Variants in KCTD7 observed in about 807,000 individuals in gnomAD.
The protein encoded by KCTD7 is potassium channel tetramerization domain containing 7, also known as BTB/POZ domain-containing protein KCTD7.
Under a neutral mutation model 27.0 loss-of-function variants are expected in KCTD7, and 15 were observed. The ratio of observed to expected loss-of-function variants is 0.56; its 90% confidence interval spans 0.37 to 0.86. The LOEUF (loss-of-function observed/expected upper bound fraction) is 0.86. KCTD7 is among the 40% of genes least tolerant of loss of function. The probability of loss-of-function intolerance (pLI) is 0.00; values close to 1 mark genes in which losing one functional copy is unlikely to be tolerated. For synonymous variants in KCTD7, 159 were observed against 162.7 expected, an observed-to-expected ratio of 0.98 and a Z score of 0.17; for missense variants, 299 against 398.9, an observed-to-expected ratio of 0.75 and a Z score of 2.13.
chr7:66,630,801 C>T (rs553761144), intron 1 of KCTD7, among the ~76,000 whole-genome samples: 3 of 152,114 alleles, frequency 2.0e-5, no homozygotes, highest in Admixed American at 1.3e-4. Flanking sequence ...CAGGGCCCCA[C>T]CACCAGTTCC....
At position 66,642,743 on chromosome 7, in the gene KCTD7, G is replaced by A; in HGVS notation, c.*3511G>A. 1.0e-6 allele frequency: 1 copy of A among 985,280 alleles called. No individual in the cohort carries two copies. The highest frequency in any genetic ancestry group is 1.2e-6 in the Non-Finnish European group (1 of 829,940). 61.0% of individuals were successfully genotyped at this position (985,280 alleles called of 1,614,324 possible). A position where few individuals can be genotyped will look rare whatever the true frequency, so the allele number is the denominator to read the frequency against. ...TTTTTTCATCCAAAGCTGTAGTGTT[G>A]GGAACTGGGGTGGGAGAGGCACTTT... On this transcript the variant is annotated 3_prime_UTR_variant, in exon 4 of 4. Coordinates refer to ENST00000639828, the MANE Select transcript of KCTD7 (RefSeq NM_153033.5).
rs75054368 is a variant in KCTD7 at position 66,633,154 on chromosome 7, C to T, written c.145-121C>T. On this transcript the variant is annotated intron_variant, in intron 1 of 3. Transcript: ENST00000639828. ...AGAGAAGAAAGTGTTCAGATGGACC[C>T]GTGGGCTTGAGTGACTGAATGAATG... is the stretch of plus-strand genomic sequence containing the variant. The T allele has an allele frequency of 5.9e-4, 560 of 952,566 alleles. 2 individuals carry two copies. In the African/African-American group the frequency reaches 7.4e-3, roughly 13 times the overall value. The allele number at this position is 952,566 out of a possible 1,614,324, so 59.0% of individuals were successfully genotyped here. A position where few individuals can be genotyped will look rare whatever the true frequency, so the allele number is the denominator to read the frequency against.
chr7:66,632,885 AAT>A (rs149316964), intron 1 of KCTD7, among the ~76,000 whole-genome samples: 1 of 149,438 alleles, frequency 6.7e-6, no homozygotes, highest in Non-Finnish European at 1.5e-5. Flanking sequence ...CTACTAAAAA[AAT>A]ATATATATAT....
rs1786670569 is a variant in KCTD7, at chr7:66,639,728, A to T, written c.*496A>T. ...CCCCATAGCCCCTGGCTGAAGAAGAAAGAGCATCTTCTCTCCCACTGCACC... is the reference window on the plus strand; with the variant it reads ...CCCCATAGCCCCTGGCTGAAGAAGATAGAGCATCTTCTCTCCCACTGCACC... On this transcript the variant is annotated 3_prime_UTR_variant, in exon 4 of 4. Coordinates refer to ENST00000639828, the MANE Select transcript of KCTD7 (RefSeq NM_153033.5). The T allele has an allele frequency of 8.0e-7, 1 of 1,248,378 alleles. No homozygotes were observed. The highest frequency in any genetic ancestry group is 1.5e-5 in the African/African-American group (1 of 65,006). 77.3% of individuals were successfully genotyped at this position (1,248,378 alleles called of 1,614,324 possible). A position where few individuals can be genotyped will look rare whatever the true frequency, so the allele number is the denominator to read the frequency against.
intron 1 of KCTD7, among the ~76,000 whole-genome samples, chr7:66,630,873 C>G (rs979759504): frequency 1.3e-5 from 2 of 152,272 alleles, no homozygotes; most frequent in African/African-American, 4.8e-5. Flanking sequence ...TTTGTCCTCT[C>G]TGCTTCAATC....
chr7:66,631,509 CA>C (rs1786441131), intron 1 of KCTD7, among the ~76,000 whole-genome samples: 3 of 148,768 alleles, frequency 2.0e-5, no homozygotes, highest in Non-Finnish European at 3.0e-5. Context: ...GCAGAGGTTG[CA>C]GTGAACCGAG....
intron 1 of KCTD7, among the ~76,000 whole-genome samples, chr7:66,629,909 A>C (rs887109493): frequency 3.9e-5 from 6 of 152,200 alleles, no homozygotes; most frequent in Admixed American, 3.9e-4. Flanking sequence ...TCTGGTGCAC[A>C]GGGGCTTCCA....
At chr7:66,631,337 G>A (rs1483345264) in intron 1 of KCTD7, among the ~76,000 whole-genome samples, 1 of 152,194 alleles carries the variant, frequency 6.6e-6, no homozygotes, top group African/African-American at 2.4e-5. Context: ...GGGAGGCCAA[G>A]GCAGGAAGAT....
At chr7:66,638,453 T>C (rs1554300882) in intron 3 of KCTD7, 22 bp downstream of exon 3, 2 of 1,510,080 alleles carry the variant, frequency 1.3e-6, no homozygotes, top group East Asian at 2.4e-5. Context: ...CTGCCCAGGA[T>C]GGTGGGTATG....
At chr7:66,630,369 T>C (rs530929424) in intron 1 of KCTD7, among the ~76,000 whole-genome samples, 1 of 152,224 alleles carries the variant, frequency 6.6e-6, no homozygotes, top group Non-Finnish European at 1.5e-5. Flanking sequence ...GGCAGGAGGA[T>C]GGTTTGAGGC....
At chr7:66,633,566 A>G (rs374377118) in intron 2 of KCTD7, 122 bp downstream of exon 2, 2 of 991,180 alleles carry the variant, frequency 2.0e-6, no homozygotes, top group East Asian at 2.6e-5. Flanking sequence ...GATGAAATTT[A>G]ATAAATGGGT....
Position 66,638,253 on chromosome 7 carries a change from A to G in KCTD7, c.315A>G (p.Gly105=). ...YFIDRDGTHF[G]DVLNFLRSGD... ...CCGACCCTCTTTCCTTCCTGCTTAG[A>G]GATGTGCTGAATTTCCTGCGCTCAG... The change falls in exon 3 of 4, where the codon GGA becomes GGG. Residue 105 remains glycine (G), a splice_region_variant and synonymous_variant. Coordinates refer to ENST00000639828, the MANE Select transcript of KCTD7 (RefSeq NM_153033.5). 1 of 1,614,122 alleles carries G rather than the reference A, an allele frequency of 6.2e-7. No homozygotes were observed. Among genetic ancestry groups the G allele is most frequent in the South Asian group, 1.1e-5 (1 of 91,074 alleles).
At position 66,642,974 on chromosome 7, in the gene KCTD7, A is replaced by G. The variant is rs1232522728; in HGVS notation, c.*3742A>G. The G allele has an allele frequency of 9.1e-6, 9 of 985,238 alleles. 1 individual carries two copies. The South Asian group carries it at 3.3e-4, about 36-fold the overall frequency. 61.0% of individuals were successfully genotyped at this position (985,238 alleles called of 1,614,324 possible). A position where few individuals can be genotyped will look rare whatever the true frequency, so the allele number is the denominator to read the frequency against. ...ACTATAACACTTCCTGTGTGAGTTC[A>G]TGTACCTGTCTGTGAGTGCTTTGGT... On this transcript the variant is annotated 3_prime_UTR_variant, in exon 4 of 4. Coordinates refer to ENST00000639828, the MANE Select transcript of KCTD7 (RefSeq NM_153033.5).
Position 66,642,505 on chromosome 7 carries a change from G to GCTCTTGAA in KCTD7, c.*3275_*3282dup. On this transcript the variant is annotated 3_prime_UTR_variant, in exon 4 of 4. Coordinates refer to ENST00000639828, the MANE Select transcript of KCTD7 (RefSeq NM_153033.5). ...CCATGTGTGGTCTTGGTCTAAACCA[G>GCTCTTGAA]CTCTTGAACAGGTTAAAGCAAACAG... The GCTCTTGAA allele has an allele frequency of 1.0e-6, 1 of 985,426 alleles. No individual in the cohort carries two copies. Among genetic ancestry groups the GCTCTTGAA allele is most frequent in the South Asian group, 4.7e-5 (1 of 21,290 alleles). The allele number at this position is 985,426 out of a possible 1,614,324, so 61.0% of individuals were successfully genotyped here.
Position 66,633,409 on chromosome 7 carries a change from C to G in KCTD7, c.279C>G (p.Gly93=). 6.2e-7 allele frequency: 1 copy of G among 1,614,104 alleles called. No individual in the cohort carries two copies. The highest frequency in any genetic ancestry group is 8.5e-7 in the Non-Finnish European group (1 of 1,180,012). ...ACTACATCCCCACGGACTCCGAGGG[C>G]CGGTACTTCATCGACCGAGATGGCA... is the stretch of plus-strand genomic sequence containing the variant. ...GRHYIPTDSE[G]RYFIDRDGTH... Residue 93 remains glycine (G), a synonymous_variant, in exon 2 of 4, where the codon GGC becomes GGG. Transcript: ENST00000639828.
intron 1 of KCTD7, among the ~76,000 whole-genome samples, chr7:66,632,411 C>T (rs1190946833): frequency 1.3e-5 from 2 of 148,390 alleles, no homozygotes; most frequent in South Asian, 2.1e-4. Flanking sequence ...GGTGTGAACC[C>T]GAGAGGCGGA....
At chr7:66,635,086 C>T (rs1215534387) in intron 2 of KCTD7, among the ~76,000 whole-genome samples, 2 of 150,492 alleles carry the variant, frequency 1.3e-5, no homozygotes, top group East Asian at 4.0e-4. Context: ...AAGCACAGCT[C>T]ACTACAGCCT....
chr7:66,637,218 T>C (rs1786608458), intron 2 of KCTD7, among the ~76,000 whole-genome samples: 3 of 152,164 alleles, frequency 2.0e-5, no homozygotes, highest in Admixed American at 2.0e-4. Flanking sequence ...CCAGAGTAGC[T>C]GGGATTACAG....
At position 66,639,597 on chromosome 7, in the gene KCTD7, C is replaced by T. The variant is rs1367502451; in HGVS notation, c.*365C>T. The T allele has an allele frequency of 1.9e-5, 25 of 1,349,404 alleles. No homozygotes were observed. The highest frequency in any genetic ancestry group is 2.8e-4 in the Middle Eastern group (1 of 3,522). The allele number at this position is 1,349,404 out of a possible 1,614,324, so 83.6% of individuals were successfully genotyped here. Reference sequence around the variant, plus strand: ...CCATTTTAGAGCCACGTTACCAAATCGATGTAGGCCTAATCACTTCCTCAA... The same window carrying T: ...CCATTTTAGAGCCACGTTACCAAATTGATGTAGGCCTAATCACTTCCTCAA... On this transcript the variant is annotated 3_prime_UTR_variant, in exon 4 of 4. Transcript: ENST00000639828.
Sources: allele counts gnomAD v4.1 joint callset (sites outside exome capture counted in the v4.1 genomes callset), GRCh38; gene constraint gnomAD v4.1.1; transcripts MANE v1.5; gene names NCBI Gene and HGNC (gene_info 2026-07-23, HGNC 2026-07-21).